Variants in SHOC2 observed in about 807,000 individuals in gnomAD.
The protein encoded by SHOC2 is SHOC2 leucine rich repeat scaffold protein.
A neutral mutation model predicts 50.2 loss-of-function variants in SHOC2; 4 were observed. The ratio of observed to expected loss-of-function variants is 0.08; its 90% confidence interval spans 0.04 to 0.18. SHOC2 has a LOEUF of 0.18. Ranked by LOEUF, SHOC2 falls within the 10% of genes least tolerant of loss-of-function variation. The pLI, the probability that SHOC2 is intolerant of heterozygous loss-of-function variation, is 1.00. For synonymous variants in SHOC2, 218 were observed against 244.5 expected (o/e 0.89, Z 1.01); for missense variants, 388 against 669.6 (o/e 0.58, Z 4.64).
At chr10:110,948,193 C>T (rs1418481273) in intron 1 of SHOC2, among the ~76,000 whole-genome samples, 1 of 152,094 alleles carries the variant, frequency 6.6e-6, no homozygotes, top group Non-Finnish European at 1.5e-5. Context: ...AATATATATA[C>T]ACTCAACATC....
intron 1 of SHOC2, among the ~76,000 whole-genome samples, chr10:110,963,378 G>A (rs543187262): frequency 7.2e-5 from 11 of 152,198 alleles, no homozygotes; most frequent in Non-Finnish European, 1.5e-4. Context: ...CTTTGTCACT[G>A]GTTTTCAAAG....
chr10:110,999,819 T>C, intron 3 of SHOC2, among the ~76,000 whole-genome samples: 1 of 151,338 alleles, frequency 6.6e-6, no homozygotes, highest in East Asian at 1.9e-4. Context: ...TATTTTGTGC[T>C]CAAGCTGGAT....
chr10:111,013,589 T>C lies in SHOC2; in HGVS notation c.*1771T>C, dbSNP rs1269247858. 1.3e-5 allele frequency: 2 copies of C among 152,072 alleles called. No homozygotes were observed. Among genetic ancestry groups the C allele is most frequent in the Non-Finnish European group, 2.9e-5 (2 of 67,968 alleles). The allele number at this position is 152,072 out of a possible 1,614,324, so 9.4% of individuals were successfully genotyped here. On this transcript the variant is annotated 3_prime_UTR_variant, in exon 9 of 9. Transcript: ENST00000369452. ...TTACCAAGTAATATCCTTTCTTTTT[T>C]TTTTCCCCCCATCTGCTGTGGCTTT... is the stretch of plus-strand genomic sequence containing the variant.
chr10:110,963,702 T>G (rs1174741644), intron 1 of SHOC2, among the ~76,000 whole-genome samples: 1 of 152,152 alleles, frequency 6.6e-6, no homozygotes, highest in Non-Finnish European at 1.5e-5. Flanking sequence ...GTTAGTTACT[T>G]AAAAATATTT....
chr10:110,989,040 G>T, intron 3 of SHOC2: 1 of 503,604 alleles, frequency 2.0e-6, no homozygotes. Context: ...CCAAAAGCTT[G>T]ACAATTTTCC....
intron 3 of SHOC2, among the ~76,000 whole-genome samples, chr10:110,986,831 G>C (rs1359959647): frequency 6.6e-6 from 1 of 152,182 alleles, no homozygotes; most frequent in Non-Finnish European, 1.5e-5. Context: ...CTGTGATGAT[G>C]TTATCTTTCT....
At chr10:110,940,899 A>G (rs1333635849) in intron 1 of SHOC2, among the ~76,000 whole-genome samples, 3 of 132,338 alleles carry the variant, frequency 2.3e-5, no homozygotes, top group Non-Finnish European at 3.2e-5. Context: ...AAATAGTGGT[A>G]TTTGTGGTGG....
rs185466983 is a variant in SHOC2, at chr10:110,995,514, C to A, written c.842-4901C>A. Among the ~76,000 whole-genome samples the A allele has an allele frequency of 1.0e-3, 155 of 152,268 alleles. 4 individuals carry two copies. The highest frequency in any genetic ancestry group is 9.3e-4 in the Non-Finnish European group (63 of 68,018). ...CATGGTTCTGTGACAAGGAAACAAG[C>A]TAAGTGGAGCAAAGTCAATGAAGAT... On this transcript the variant is annotated intron_variant, in intron 3 of 8. Transcript: ENST00000369452.
intron 3 of SHOC2, among the ~76,000 whole-genome samples, chr10:110,986,267 T>TTTGC (rs1426360272): frequency 2.6e-5 from 4 of 152,118 alleles, no homozygotes; most frequent in Admixed American, 6.6e-5. Flanking sequence ...TTGCAAAAAA[T>TTTGC]TGAATTGAGC....
intron 1 of SHOC2, among the ~76,000 whole-genome samples, chr10:110,960,484 T>C (rs1465555150): frequency 6.6e-6 from 1 of 152,228 alleles, no homozygotes; most frequent in Non-Finnish European, 1.5e-5. Context: ...CTGACCAGGC[T>C]GACCTGGTTT....
intron 2 of SHOC2, among the ~76,000 whole-genome samples, chr10:110,970,079 TAAATTGTTTGCTAAAGTCA>T (rs770549306): frequency 8.5e-5 from 13 of 152,118 alleles, no homozygotes; most frequent in Non-Finnish European, 1.8e-4. Flanking sequence ...AAATATACAA[TAAATTGTTTGCTAAAGTCA>T]CCCAACAGTG....
chr10:110,965,562 A>T (rs187004107), intron 2 of SHOC2, among the ~76,000 whole-genome samples: 326 of 151,678 alleles, frequency 2.1e-3, no homozygotes, highest in African/African-American at 5.7e-3. Flanking sequence ...TAGAAAAAAA[A>T]TTTTTTTTTG....
chr10:110,955,182 TCAG>T lies in SHOC2; in HGVS notation c.-234-8939_-234-8937del, dbSNP rs577791002. 2.2e-3 allele frequency among the ~76,000 whole-genome samples: 335 copies of T among 152,220 alleles called. 1 individual carries two copies. Among genetic ancestry groups the T allele is most frequent in the African/African-American group, 7.9e-3 (327 of 41,530 alleles). On this transcript the variant is annotated intron_variant, in intron 1 of 8. Coordinates refer to ENST00000369452, the MANE Select transcript of SHOC2 (RefSeq NM_007373.4). ...AGAATGGATTTAAAGTATGTGGGAATCAGCAGGCCAAGGTAGGAGACAAGGTAG... is the reference window on the plus strand; with the variant it reads ...AGAATGGATTTAAAGTATGTGGGAATCAGGCCAAGGTAGGAGACAAGGTAG...
intron 1 of SHOC2, among the ~76,000 whole-genome samples, chr10:110,952,040 C>T (rs1474040595): frequency 6.6e-6 from 1 of 152,168 alleles, no homozygotes; most frequent in African/African-American, 2.4e-5. Context: ...AAGAGGTCAT[C>T]TGTAGATTGT....
intron 2 of SHOC2, among the ~76,000 whole-genome samples, chr10:110,980,748 G>C (rs1190754727): frequency 6.6e-6 from 1 of 150,872 alleles, no homozygotes; most frequent in African/African-American, 2.4e-5. Flanking sequence ...TCTCCTTATT[G>C]CTTATTTTCC....
At chr10:110,967,166 C>T (rs569459231) in intron 2 of SHOC2, among the ~76,000 whole-genome samples, 1 of 152,164 alleles carries the variant, frequency 6.6e-6, no homozygotes, top group South Asian at 2.1e-4. Context: ...TTACAGTAAC[C>T]CAATGAAATA....
chr10:110,953,041 C>T (rs1847386415), intron 1 of SHOC2, among the ~76,000 whole-genome samples: 1 of 152,122 alleles, frequency 6.6e-6, no homozygotes, highest in Non-Finnish European at 1.5e-5. Context: ...GTGCATGTGT[C>T]TTTATATTAG....
At chr10:111,006,622 G>T (rs1009157625) in intron 5 of SHOC2, among the ~76,000 whole-genome samples, 11 of 152,008 alleles carry the variant, frequency 7.2e-5, no homozygotes, top group Admixed American at 2.0e-4. Context: ...CGCCCGCCTC[G>T]GCCTCCCAAA....
intron 2 of SHOC2, among the ~76,000 whole-genome samples, chr10:110,966,952 T>C (rs949497438): frequency 6.6e-6 from 1 of 152,164 alleles, no homozygotes; most frequent in Non-Finnish European, 1.5e-5. Flanking sequence ...TAAGGAATTA[T>C]GATTTATAAA....
Sources: gnomAD v4.1 joint callset for allele counts (sites outside exome capture counted in the v4.1 genomes callset) on GRCh38, gnomAD v4.1.1 for gene constraint, MANE v1.5 for transcripts, NCBI Gene and HGNC (gene_info 2026-07-23, HGNC 2026-07-21) for gene names.